Variants in KPNA4 observed in about 807,000 individuals in gnomAD.
KPNA4 encodes karyopherin subunit alpha 4.
Under a neutral mutation model 71.3 loss-of-function variants are expected in KPNA4, and 13 were observed. That is an observed-to-expected ratio of 0.18 (90% CI 0.12 to 0.29). KPNA4 has a LOEUF of 0.29. KPNA4 is among the 10% of genes least tolerant of loss of function. The pLI is 1.00. For missense variants in KPNA4, 334 were observed against 603.2 expected (o/e 0.55, Z 4.67); for synonymous variants, 189 against 195.2 (o/e 0.97, Z 0.26).
chr3:160,546,751 A>AT (rs34632917), intron 1 of KPNA4, among the ~76,000 whole-genome samples: 76,033 of 151,760 alleles, frequency 0.5, 19,611 homozygotes, highest in Non-Finnish European at 0.55. Flanking sequence ...TTCTGCTACC[A>AT]TTATTCCCAT....
chr3:160,514,283 G>T (rs185107259), intron 12 of KPNA4, 102 bp from the exon 13 acceptor site: 4 of 700,608 alleles, frequency 5.7e-6, no homozygotes, highest in Non-Finnish European at 9.0e-6. Context: ...ATTTTACTAC[G>T]AAATGAGCTC....
rs971053650 is a variant in KPNA4 at position 160,544,722 on chromosome 3, T to C, written c.70-7882A>G. Among the ~76,000 whole-genome samples, 4 of 152,168 alleles carry C rather than the reference T, an allele frequency of 2.6e-5. No individual in the cohort carries two copies. The South Asian group carries it at 6.2e-4, about 24-fold the overall frequency. ...GATATACCCAAATTAAGAAGGTCAATAGAACCCAAGCTTTTATATTACTGC... is the reference window on the plus strand; with the variant it reads ...GATATACCCAAATTAAGAAGGTCAACAGAACCCAAGCTTTTATATTACTGC... On this transcript the variant is annotated intron_variant, in intron 1 of 16. Coordinates refer to ENST00000334256, the MANE Select transcript of KPNA4 (RefSeq NM_002268.5).
Position 160,500,886 on chromosome 3 carries a change from C to T in KPNA4, c.*1218G>A, listed in dbSNP as rs1018781813. Reference sequence around the variant, plus strand: ...GAAAACAAAGTTTGAAAACAAGTAACATTTAAACACAGCACGGTATTCTAC... The same window carrying T: ...GAAAACAAAGTTTGAAAACAAGTAATATTTAAACACAGCACGGTATTCTAC... On this transcript the variant is annotated 3_prime_UTR_variant, in exon 17 of 17. Coordinates refer to ENST00000334256, the MANE Select transcript of KPNA4 (RefSeq NM_002268.5). 2 of 152,534 alleles carry T rather than the reference C, an allele frequency of 1.3e-5. No individual in the cohort carries two copies. Among genetic ancestry groups the T allele is most frequent in the Non-Finnish European group, 2.9e-5 (2 of 68,006 alleles). The allele number at this position is 152,534 out of a possible 1,614,324, so 9.4% of individuals were successfully genotyped here. A position where few individuals can be genotyped will look rare whatever the true frequency, so the allele number is the denominator to read the frequency against.
chr3:160,495,889 C>T lies in KPNA4; in HGVS notation c.*6215G>A, dbSNP rs902059009. ...AGGTTGTCTTGATTCCCCGCCCCCA[C>T]CACAATTATGAATCAAAAGATGGAG... On this transcript the variant is annotated 3_prime_UTR_variant, in exon 17 of 17. Transcript: ENST00000334256. 1 of 149,858 alleles carries T rather than the reference C, an allele frequency of 6.7e-6. No homozygotes were observed. Among genetic ancestry groups the T allele is most frequent in the Non-Finnish European group, 1.5e-5 (1 of 67,750 alleles). 9.3% of individuals were successfully genotyped at this position (149,858 alleles called of 1,614,324 possible).
At chr3:160,554,980 G>GTATA (rs1423780694) in intron 1 of KPNA4, among the ~76,000 whole-genome samples, 7 of 152,230 alleles carry the variant, frequency 4.6e-5, no homozygotes, top group African/African-American at 1.7e-4. Context: ...CGAACTCTAT[G>GTATA]TATAGCCAGT....
At chr3:160,534,733 A>G (rs184852310) in intron 5 of KPNA4, among the ~76,000 whole-genome samples, 1 of 151,166 alleles carries the variant, frequency 6.6e-6, no homozygotes, top group Non-Finnish European at 1.5e-5. Context: ...AAAAAAAAAA[A>G]AAGAAATGTT....
At chr3:160,537,040 GA>G (rs1391769529) in intron 1 of KPNA4, among the ~76,000 whole-genome samples, 200 bp from the exon 2 acceptor site, 1 of 151,404 alleles carries the variant, frequency 6.6e-6, no homozygotes, top group Non-Finnish European at 1.5e-5. Flanking sequence ...TGCAAAACAT[GA>G]AAAATCTCTT....
At chr3:160,555,224 G>A (rs1036518441) in intron 1 of KPNA4, among the ~76,000 whole-genome samples, 2 of 152,236 alleles carry the variant, frequency 1.3e-5, no homozygotes, top group Non-Finnish European at 2.9e-5. Context: ...TTGAGTGACT[G>A]TATGAAAGGA....
At chr3:160,515,431 G>C (rs755822603) in intron 12 of KPNA4, 21 bp downstream of exon 12, 1 of 1,574,812 alleles carries the variant, frequency 6.3e-7, no homozygotes, top group East Asian at 2.3e-5. Flanking sequence ...TATCTATTAA[G>C]TAGTATTTAA....
chr3:160,522,932 AT>A (rs200072253), intron 10 of KPNA4, among the ~76,000 whole-genome samples: 4 of 151,052 alleles, frequency 2.6e-5, no homozygotes, highest in African/African-American at 9.7e-5. Context: ...GTAGCCTACC[AT>A]TTTTTTTAAC....
At position 160,495,088 on chromosome 3, in the gene KPNA4, C is replaced by T. The variant is rs117668183; in HGVS notation, c.*7016G>A. The T allele has an allele frequency of 3.7e-4, 57 of 152,218 alleles. No individual in the cohort carries two copies. The East Asian group carries it at 0.011, about 29-fold the overall frequency. 9.4% of individuals were successfully genotyped at this position (152,218 alleles called of 1,614,324 possible). ...TTACAGAACTTTGCTTATATGCCGA[C>T]CTTGCCCTTAAGGAGCTTACAATCT... On this transcript the variant is annotated 3_prime_UTR_variant, in exon 17 of 17. Coordinates refer to ENST00000334256, the MANE Select transcript of KPNA4 (RefSeq NM_002268.5).
intron 1 of KPNA4, among the ~76,000 whole-genome samples, chr3:160,549,990 T>C (rs560377292): frequency 2.0e-5 from 3 of 152,260 alleles, no homozygotes; most frequent in African/African-American, 7.2e-5. Context: ...TCTGACACTA[T>C]TGGAAATGAG....
At chr3:160,510,179 A>C (rs1183116616) in intron 13 of KPNA4, among the ~76,000 whole-genome samples, 2 of 152,192 alleles carry the variant, frequency 1.3e-5, no homozygotes, top group Non-Finnish European at 2.9e-5. Context: ...AAAAATCTAC[A>C]ATTTCACTAC....
In KPNA4 at chr3:160,525,860, T is replaced by C; in HGVS notation, c.727-16A>G. 3.9e-6 allele frequency: 6 copies of C among 1,550,012 alleles called. No individual in the cohort carries two copies. The highest frequency in any genetic ancestry group is 2.6e-5 in the South Asian group (2 of 77,722). On this transcript the variant is annotated splice_polypyrimidine_tract_variant and intron_variant, in intron 9 of 16. Transcript: ENST00000334256. ...CTGGAAGAATCTGAGGAGAGAAATATGTAGATTTAAAAACATACACAAATA... is the reference window on the plus strand; with the variant it reads ...CTGGAAGAATCTGAGGAGAGAAATACGTAGATTTAAAAACATACACAAATA...
intron 16 of KPNA4, among the ~76,000 whole-genome samples, chr3:160,504,160 AC>A (rs1720937523): frequency 6.6e-6 from 1 of 152,244 alleles, no homozygotes; most frequent in Admixed American, 6.5e-5. Context: ...CTAAGCTTAA[AC>A]AACTGTAAGT....
chr3:160,533,524 A>C (rs1050380254), intron 5 of KPNA4, among the ~76,000 whole-genome samples: 1 of 151,920 alleles, frequency 6.6e-6, no homozygotes, highest in African/African-American at 2.4e-5. Flanking sequence ...ATCAAGGGTC[A>C]AAATTTAATT....
At chr3:160,564,341 C>G (rs1349109368) in intron 1 of KPNA4, 1 of 152,084 alleles carries the variant, frequency 6.6e-6, no homozygotes, top group Non-Finnish European at 1.5e-5. Flanking sequence ...CACCCCATCC[C>G]CCACTACCAC....
At chr3:160,517,750 G>C (rs1560046737) in intron 11 of KPNA4, among the ~76,000 whole-genome samples, 1 of 151,972 alleles carries the variant, frequency 6.6e-6, no homozygotes, top group Non-Finnish European at 1.5e-5. Flanking sequence ...CTGACCATTT[G>C]TTATATCTTC....
intron 1 of KPNA4, among the ~76,000 whole-genome samples, chr3:160,550,103 T>C (rs1416209056): frequency 6.6e-6 from 1 of 152,226 alleles, no homozygotes; most frequent in East Asian, 1.9e-4. Flanking sequence ...AATTTATTAG[T>C]TCTAATCATT....
Sources: gnomAD v4.1 joint callset for allele counts (sites outside exome capture counted in the v4.1 genomes callset) on GRCh38, gnomAD v4.1.1 for gene constraint, MANE v1.5 for transcripts, NCBI Gene and HGNC (gene_info 2026-07-23, HGNC 2026-07-21) for gene names.